TRAF3IP2: variants seen among roughly 807,000 people sequenced by gnomAD.
TRAF3IP2 encodes TRAF3 interacting protein 2, also known as E3 ubiquitin ligase TRAF3IP2.
In TRAF3IP2, 35 loss-of-function variants were observed where a neutral mutation model predicts 57.9. The ratio of observed to expected loss-of-function variants is 0.60; its 90% CI spans 0.46 to 0.80. The LOEUF is 0.80. TRAF3IP2 is among the 30% of genes least tolerant of loss of function. The pLI, the probability that TRAF3IP2 is intolerant of heterozygous loss-of-function variation, is 0.00. For missense variants in TRAF3IP2, 556 were observed against 706.4 expected (o/e 0.79, Z 2.41); for synonymous variants, 251 against 268.9 (o/e 0.93, Z 0.65).
intron 1 of TRAF3IP2, among the ~76,000 whole-genome samples, chr6:111,605,515 C>T (rs1426583024): frequency 2.0e-5 from 3 of 152,216 alleles, no homozygotes; most frequent in Non-Finnish European, 2.9e-5. Flanking sequence ...TCCCCGTGTG[C>T]GAGCCTCCTC....
chr6:111,561,625 A>G (rs1361483291), intron 8 of TRAF3IP2, among the ~76,000 whole-genome samples: 1 of 152,178 alleles, frequency 6.6e-6, no homozygotes, highest in Non-Finnish European at 1.5e-5. Flanking sequence ...CAGGGTGACC[A>G]GAGCACACAG....
At chr6:111,594,090 C>T (rs1332077937) in intron 1 of TRAF3IP2, among the ~76,000 whole-genome samples, 2 of 139,792 alleles carry the variant, frequency 1.4e-5, no homozygotes, top group African/African-American at 5.3e-5. Context: ...GAGATTGCGC[C>T]ACTGCATTCC....
intron 2 of TRAF3IP2, among the ~76,000 whole-genome samples, chr6:111,585,915 C>CT (rs1405962598): frequency 2.6e-5 from 4 of 152,154 alleles, no homozygotes; most frequent in African/African-American, 9.7e-5. Context: ...TGTTACTGAG[C>CT]TTTTACCATT....
Position 111,567,758 on chromosome 6 carries a change from A to G in TRAF3IP2, c.1291-66T>C. ...GTTCTCTCAAGATGCAGAGCAGAAGAAAACACAATACTATATACATTTAAA... is the reference window on the plus strand; with the variant it reads ...GTTCTCTCAAGATGCAGAGCAGAAGGAAACACAATACTATATACATTTAAA... On this transcript the variant is annotated intron_variant, in intron 5 of 8. Coordinates refer to ENST00000368761, the MANE Select transcript of TRAF3IP2 (RefSeq NM_147686.4). 3.0e-6 allele frequency: 4 copies of G among 1,316,438 alleles called. No homozygotes were observed. The South Asian group carries it at 4.1e-5, about 13-fold the overall frequency. 81.5% of individuals were successfully genotyped at this position (1,316,438 alleles called of 1,614,324 possible).
intron 1 of TRAF3IP2, among the ~76,000 whole-genome samples, chr6:111,599,411 A>G (rs1354914155): frequency 6.6e-6 from 1 of 152,198 alleles, no homozygotes; most frequent in African/African-American, 2.4e-5. Context: ...AGTTTTGCGA[A>G]TAATGTCACA....
chr6:111,586,563 C>T (rs1713353208), intron 2 of TRAF3IP2, among the ~76,000 whole-genome samples: 1 of 151,978 alleles, frequency 6.6e-6, no homozygotes, highest in African/African-American at 2.4e-5. Context: ...AAAGGGGCGA[C>T]CAATAACCAT....
rs1253745816 is a variant in TRAF3IP2 at position 111,566,506 on chromosome 6, C to G, written c.1414G>C (p.Gly472Arg). ...TCCTCGTCCAGCTGCGACTCAGCGC[C>G]TTCCACGTCCTGTTTGTATTTGGGG... ...ISPKYKQDVE[G>R]AESQLDEDEH... Residue 472 changes from glycine to arginine, a missense_variant, in exon 7 of 9, where the codon GGC (glycine) becomes CGC (arginine). By Grantham distance (125) the Gly-to-Arg change is moderately radical (BLOSUM62 -2). This residue lies in a region of TRAF3IP2 where 128 missense variants were observed against 207.7 expected (regional missense o/e 0.62). Transcript: ENST00000368761. 6.2e-7 allele frequency: 1 copy of G among 1,614,084 alleles called. No individual in the cohort carries two copies. Among genetic ancestry groups the G allele is most frequent in the East Asian group, 2.2e-5 (1 of 44,888 alleles).
At position 111,591,320 on chromosome 6, in the gene TRAF3IP2, G is replaced by C. The variant is rs1562433128; in HGVS notation, c.767C>G (p.Ser256Cys). The change falls in exon 2 of 9, where the codon TCC becomes TGC. Residue 256 changes from serine (S) to cysteine (C), a missense_variant. Physicochemically the swap from Ser to Cys is moderately radical, Grantham distance 112. Transcript: ENST00000368761. This position sits in a 1 kb window ranked among gnomAD's most constrained non-coding sequence, Gnocchi z 4.9. ...ATGATAGTTCCATGGAGCATGTGGG[G>C]AAAGATTGGGAGGCAGCATCTGTGC... Reference protein sequence around the residue: ...ACAQMLPPNLSPHAPWNYHYH... With the variant: ...ACAQMLPPNLCPHAPWNYHYH... The C allele has an allele frequency of 6.6e-7, 1 of 1,517,432 alleles. No homozygotes were observed. Among genetic ancestry groups the C allele is most frequent in the Non-Finnish European group, 8.8e-7 (1 of 1,134,640 alleles). 94.0% of individuals were successfully genotyped at this position (1,517,432 alleles called of 1,614,324 possible).
intron 2 of TRAF3IP2, among the ~76,000 whole-genome samples, chr6:111,587,420 C>T (rs1431461372): frequency 6.6e-6 from 1 of 151,996 alleles, no homozygotes; most frequent in African/African-American, 2.4e-5. Context: ...CCATGGCTGG[C>T]TAATTTTTGT....
Position 111,559,268 on chromosome 6 carries a change from TC to T in TRAF3IP2, c.*136del. On this transcript the variant is annotated 3_prime_UTR_variant, in exon 9 of 9. Coordinates refer to ENST00000368761, the MANE Select transcript of TRAF3IP2 (RefSeq NM_147686.4). ...GGGGAAGAGCTCTGCACAACAGGTTTCCTGGGGGCCAGAGGGCCTCTCGGGG... is the reference window on the plus strand; with the variant it reads ...GGGGAAGAGCTCTGCACAACAGGTTTCTGGGGGCCAGAGGGCCTCTCGGGG... The T allele has an allele frequency of 8.0e-7, 1 of 1,247,722 alleles. No individual in the cohort carries two copies. Among genetic ancestry groups the T allele is most frequent in the Non-Finnish European group, 1.1e-6 (1 of 903,366 alleles). The allele number at this position is 1,247,722 out of a possible 1,614,324, so 77.3% of individuals were successfully genotyped here. A position where few individuals can be genotyped will look rare whatever the true frequency, so the allele number is the denominator to read the frequency against.
At chr6:111,578,079 CA>C (rs1796044067) in intron 3 of TRAF3IP2, among the ~76,000 whole-genome samples, 1 of 152,148 alleles carries the variant, frequency 6.6e-6, no homozygotes, top group Non-Finnish European at 1.5e-5. Flanking sequence ...AAGATCAGAA[CA>C]GGCTTAAATT....
chr6:111,596,724 G>T (rs1335652482), intron 1 of TRAF3IP2, among the ~76,000 whole-genome samples: 3 of 152,204 alleles, frequency 2.0e-5, no homozygotes, highest in Non-Finnish European at 4.4e-5. Flanking sequence ...AAAGTGCTGG[G>T]ATTACAGGTG....
At chr6:111,602,948 T>C (rs1339106270) in intron 1 of TRAF3IP2, among the ~76,000 whole-genome samples, 4 of 152,110 alleles carry the variant, frequency 2.6e-5, no homozygotes, top group Non-Finnish European at 5.9e-5. Flanking sequence ...CTAAAGGGCT[T>C]GAGTTCAGCT....
chr6:111,605,101 T>C (rs989311900), intron 1 of TRAF3IP2, among the ~76,000 whole-genome samples: 7 of 143,966 alleles, frequency 4.9e-5, no homozygotes, highest in African/African-American at 1.5e-4. Context: ...AAAAAAAAAA[T>C]CCCCCTATTC....
At position 111,575,835 on chromosome 6, in the gene TRAF3IP2, C is replaced by A. The variant is rs1183508024; in HGVS notation, c.1023-14G>T. 2.5e-6 allele frequency: 4 copies of A among 1,604,626 alleles called. No individual in the cohort carries two copies. Among genetic ancestry groups the A allele is most frequent in the Admixed American group, 1.8e-5 (1 of 56,994 alleles). On this transcript the variant is annotated splice_polypyrimidine_tract_variant and intron_variant, in intron 3 of 8. Coordinates refer to ENST00000368761, the MANE Select transcript of TRAF3IP2 (RefSeq NM_147686.4). Reference sequence around the variant, plus strand: ...TGTGGCTGGTCCCTAGAAAGGAATACATTTACAGTCAATTTTCATTCTTTA... The same window carrying A: ...TGTGGCTGGTCCCTAGAAAGGAATAAATTTACAGTCAATTTTCATTCTTTA...
intron 1 of TRAF3IP2, among the ~76,000 whole-genome samples, chr6:111,594,823 G>A (rs1465511874): frequency 6.6e-6 from 1 of 152,240 alleles, no homozygotes; most frequent in Admixed American, 6.5e-5. Context: ...GCTGAGGTGA[G>A]AGGTCACTTG....
intron 5 of TRAF3IP2, among the ~76,000 whole-genome samples, chr6:111,569,455 T>C (rs1007861851): frequency 3.3e-5 from 5 of 152,132 alleles, no homozygotes; most frequent in Non-Finnish European, 7.4e-5. Context: ...AAGCACTCAG[T>C]AAATGGTGAT....
chr6:111,571,776 C>A (rs772785442), intron 5 of TRAF3IP2, among the ~76,000 whole-genome samples: 19 of 151,672 alleles, frequency 1.3e-4, no homozygotes, highest in South Asian at 2.1e-4. Flanking sequence ...AATACACACA[C>A]AAAAAAATTA....
At chr6:111,571,459 G>A (rs1311633720) in intron 5 of TRAF3IP2, among the ~76,000 whole-genome samples, 1 of 152,050 alleles carries the variant, frequency 6.6e-6, no homozygotes, top group Non-Finnish European at 1.5e-5. Context: ...CAATTTGTCT[G>A]CCTTGGCCTC....
Sources: allele counts gnomAD v4.1 joint callset (sites outside exome capture counted in the v4.1 genomes callset), GRCh38; gene constraint gnomAD v4.1.1; regional missense constraint gnomAD v4.1.1; non-coding constraint Gnocchi (gnomAD v3.1); transcripts MANE v1.5; gene names NCBI Gene and HGNC (gene_info 2026-07-23, HGNC 2026-07-21).